Variants in SNX25 observed in about 807,000 individuals in gnomAD.
SNX25 encodes the protein sorting nexin-25.
In SNX25, 62 loss-of-function variants were observed where a neutral mutation model predicts 113.7. That is an observed-to-expected ratio of 0.55 (90% confidence interval 0.44 to 0.67). The LOEUF (loss-of-function observed/expected upper bound fraction) is 0.67. Among genes scored for constraint, SNX25 ranks in the 30% least tolerant of loss-of-function variants. The pLI is 0.00. For missense variants in SNX25, 1,014 were observed against 1,161.0 expected (o/e 0.87, Z 1.84); for synonymous variants, 421 against 436.2 (o/e 0.97, Z 0.43).
chr4:185,302,240 A>C (rs916565139), intron 6 of SNX25, among the ~76,000 whole-genome samples: 5 of 152,098 alleles, frequency 3.3e-5, no homozygotes, highest in Non-Finnish European at 7.4e-5. Flanking sequence ...ATAAACTGGT[A>C]AATGCAAGTA....
chr4:185,327,353 T>C (rs929944034), intron 9 of SNX25, among the ~76,000 whole-genome samples: 3 of 152,182 alleles, frequency 2.0e-5, no homozygotes, highest in Admixed American at 1.3e-4. Flanking sequence ...TTATAAAGCA[T>C]TCAGGAGGCT....
intron 1 of SNX25, among the ~76,000 whole-genome samples, chr4:185,226,412 G>A (rs1162038819): frequency 2.6e-5 from 4 of 152,178 alleles, no homozygotes; most frequent in African/African-American, 7.2e-5. Context: ...AGCTTGGGAG[G>A]CTAGTTTGGT....
At chr4:185,336,230 A>C (rs934998871) in intron 10 of SNX25, among the ~76,000 whole-genome samples, 40 of 152,234 alleles carry the variant, frequency 2.6e-4, no homozygotes, top group African/African-American at 9.4e-4. Context: ...TACATGAATA[A>C]ATTTTTTAGT....
intron 6 of SNX25, among the ~76,000 whole-genome samples, chr4:185,307,898 G>A (rs1754678089): frequency 6.6e-6 from 1 of 152,118 alleles, no homozygotes; most frequent in Non-Finnish European, 1.5e-5. Flanking sequence ...GGAACTATAG[G>A]CATGCACTGC....
At chr4:185,319,387 C>T (rs1253823532) in intron 7 of SNX25, among the ~76,000 whole-genome samples, 9 of 149,172 alleles carry the variant, frequency 6.0e-5, no homozygotes, top group African/African-American at 1.2e-4. Flanking sequence ...TTAGTAGAGA[C>T]GGGGTTTCTC....
chr4:185,304,324 A>G (rs1364069907), intron 6 of SNX25, among the ~76,000 whole-genome samples: 3 of 152,130 alleles, frequency 2.0e-5, no homozygotes, highest in Non-Finnish European at 2.9e-5. Flanking sequence ...AGCTAGGACT[A>G]CAGGTGCATG....
intron 6 of SNX25, among the ~76,000 whole-genome samples, chr4:185,298,721 TTTC>T (rs1167582051): frequency 9.2e-5 from 14 of 152,272 alleles, no homozygotes; most frequent in Admixed American, 3.3e-4. Flanking sequence ...GCACATTCTG[TTTC>T]TTCTTCTTGA....
intron 1 of SNX25, among the ~76,000 whole-genome samples, chr4:185,241,339 G>A (rs1239442532): frequency 1.3e-4 from 20 of 151,994 alleles, no homozygotes; most frequent in Non-Finnish European, 2.7e-4. Context: ...CCAGTCAGGC[G>A]TGGCGGCGCG....
rs545733535 is a variant in SNX25, at chr4:185,307,014, G to A, written c.1163-3621G>A. 3.9e-5 allele frequency among the ~76,000 whole-genome samples: 6 copies of A among 152,338 alleles called. 1 individual carries two copies. In the South Asian group the frequency reaches 1.2e-3, roughly 32 times the overall value. On this transcript the variant is annotated intron_variant, in intron 6 of 18. Coordinates refer to ENST00000652585, the MANE Select transcript of SNX25 (RefSeq NM_001378034.2). ...ATGAAAATGGGATGAAAAGATGTCT[G>A]ATAATACCTGACAGATCATCTTGAA...
At chr4:185,319,660 A>C (rs1425270221) in intron 7 of SNX25, among the ~76,000 whole-genome samples, 1 of 152,126 alleles carries the variant, frequency 6.6e-6, no homozygotes, top group Non-Finnish European at 1.5e-5. Context: ...TAAACTTCTA[A>C]ACTGATTGAG....
At chr4:185,251,437 T>A (rs1158253189) in intron 2 of SNX25, among the ~76,000 whole-genome samples, 1 of 152,210 alleles carries the variant, frequency 6.6e-6, no homozygotes, top group Non-Finnish European at 1.5e-5. Flanking sequence ...CTGTTCTACT[T>A]TTTGTCCCTA....
rs180722304 is a variant in SNX25 at position 185,287,974 on chromosome 4, C to T, written c.1092-38C>T. 59 of 1,502,824 alleles carry T rather than the reference C, an allele frequency of 3.9e-5. No individual in the cohort carries two copies. In the African/African-American group the frequency reaches 7.5e-4, roughly 19 times the overall value. 93.1% of individuals were successfully genotyped at this position (1,502,824 alleles called of 1,614,324 possible). On this transcript the variant is annotated intron_variant, in intron 5 of 18. Transcript: ENST00000652585. ...TTATTTCTGAAAATAGTATTTTCTTCCTCTTAAATCTTTTTCTTTTCTCTT... is the reference window on the plus strand; with the variant it reads ...TTATTTCTGAAAATAGTATTTTCTTTCTCTTAAATCTTTTTCTTTTCTCTT...
chr4:185,376,764 C>T, the SNX25 span: 2 of 609,026 alleles, frequency 3.3e-6, no homozygotes, highest in Non-Finnish European at 5.8e-6. Context: ...GCACTGTATC[C>T]TACTGTTAAA....
At chr4:185,290,411 C>G (rs1426150387) in intron 6 of SNX25, among the ~76,000 whole-genome samples, 1 of 152,166 alleles carries the variant, frequency 6.6e-6, no homozygotes, top group Admixed American at 6.6e-5. Context: ...ACTAAGCACT[C>G]TTGGGGCCTT....
At chr4:185,356,972 A>G (rs1053867001) in intron 15 of SNX25, among the ~76,000 whole-genome samples, 2 of 152,170 alleles carry the variant, frequency 1.3e-5, no homozygotes, top group Non-Finnish European at 2.9e-5. Context: ...GGTCTGTAGA[A>G]CCCTTCACAG....
At chr4:185,266,762 C>T (rs1330437931) in intron 4 of SNX25, among the ~76,000 whole-genome samples, 3 of 152,152 alleles carry the variant, frequency 2.0e-5, no homozygotes, top group Non-Finnish European at 2.9e-5. Flanking sequence ...TTGATTATAG[C>T]CATGGATGAT....
chr4:185,346,785 GTT>G, intron 13 of SNX25, 135 bp downstream of exon 13: 1 of 585,796 alleles, frequency 1.7e-6, no homozygotes, highest in Non-Finnish European at 2.9e-6. Flanking sequence ...TATCTTGGGT[GTT>G]TTTTTTAATT....
chr4:185,269,257 G>T (rs528454903), intron 5 of SNX25, among the ~76,000 whole-genome samples: 2 of 152,066 alleles, frequency 1.3e-5, no homozygotes, highest in East Asian at 3.9e-4. Context: ...CCCTAAAACT[G>T]TACGTACACA....
chr4:185,214,159 G>A (rs1327877776), intron 1 of SNX25, among the ~76,000 whole-genome samples: 1 of 151,754 alleles, frequency 6.6e-6, no homozygotes, highest in Non-Finnish European at 1.5e-5. Flanking sequence ...TCATCTACCC[G>A]CTAACATGCC....
Sources: allele counts gnomAD v4.1 joint callset (sites outside exome capture counted in the v4.1 genomes callset), GRCh38; gene constraint gnomAD v4.1.1; transcripts MANE v1.5; gene names NCBI Gene and HGNC (gene_info 2026-07-23, HGNC 2026-07-21).